GNA11: variants seen among roughly 807,000 people sequenced by gnomAD.
GNA11 encodes the protein guanine nucleotide-binding protein subunit alpha-11.
In GNA11, 8 loss-of-function variants were observed where a neutral mutation model predicts 38.2. The observed-to-expected ratio is 0.21, with a 90% CI of 0.12 to 0.38. The LOEUF is 0.38. Among genes scored for constraint, GNA11 ranks in the 10% least tolerant of loss-of-function variants. The probability of loss-of-function intolerance (pLI) is 1.00; values close to 1 mark genes in which losing one functional copy is unlikely to be tolerated. For missense variants in GNA11, 268 were observed against 516.3 expected, an observed-to-expected ratio of 0.52 and a Z score of 4.66; for synonymous variants, 211 against 221.4, an observed-to-expected ratio of 0.95 and a Z score of 0.42.
intron 1 of GNA11, among the ~76,000 whole-genome samples, chr19:3,105,413 G>A (rs1334110343): frequency 6.6e-6 from 1 of 150,838 alleles, no homozygotes; most frequent in Non-Finnish European, 1.5e-5. Context: ...GGGGAAGGGG[G>A]GGTTGTGCTT....
intron 2 of GNA11, among the ~76,000 whole-genome samples, chr19:3,111,608 G>A (rs1001827961): frequency 7.2e-5 from 11 of 152,358 alleles, no homozygotes; most frequent in Middle Eastern, 3.4e-3. Context: ...TGTTGGGAAC[G>A]GAGCTGCCGT....
intron 1 of GNA11, among the ~76,000 whole-genome samples, chr19:3,104,408 C>T (rs1017166247): frequency 6.6e-6 from 1 of 152,196 alleles, no homozygotes; most frequent in East Asian, 1.9e-4. Flanking sequence ...CTGCAGGCTC[C>T]CTAGCGTCTG....
rs1330920469 is a variant in GNA11 at position 3,122,276 on chromosome 19, C to T, written c.*1097C>T. On this transcript the variant is annotated 3_prime_UTR_variant, in exon 7 of 7. Transcript: ENST00000078429. This position sits in a 1 kb window ranked among gnomAD's most constrained non-coding sequence, Gnocchi z 7.7. ...GCAGAGAGAGGGACGTGGCCGGCAG[C>T]TCTGTGCGTGGCCTTGTCCCAAGCA... The T allele has an allele frequency of 4.3e-6, 1 of 232,668 alleles. No individual in the cohort carries two copies. Among genetic ancestry groups the T allele is most frequent in the African/African-American group, 2.2e-5 (1 of 45,310 alleles). 14.4% of individuals were successfully genotyped at this position (232,668 alleles called of 1,614,324 possible). A position where few individuals can be genotyped will look rare whatever the true frequency, so the allele number is the denominator to read the frequency against.
At chr19:3,099,682 C>T (rs1167819605) in intron 1 of GNA11, among the ~76,000 whole-genome samples, 2 of 152,206 alleles carry the variant, frequency 1.3e-5, no homozygotes, top group Non-Finnish European at 2.9e-5. Context: ...TCCAGTCTCC[C>T]ACCCTCCATC....
rs959483391 is a variant in GNA11, at chr19:3,123,572, C to G, written c.*2393C>G. On this transcript the variant is annotated 3_prime_UTR_variant, in exon 7 of 7. Coordinates refer to ENST00000078429, the MANE Select transcript of GNA11 (RefSeq NM_002067.5). Reference sequence around the variant, plus strand: ...ATTTCTCGTGAGTGCCGACCACCTTCTCCGACCATGTTACGCCCGGGCGGC... The same window carrying G: ...ATTTCTCGTGAGTGCCGACCACCTTGTCCGACCATGTTACGCCCGGGCGGC... 1.3e-5 allele frequency: 3 copies of G among 233,238 alleles called. No homozygotes were observed. Among genetic ancestry groups the G allele is most frequent in the Middle Eastern group, 1.3e-3 (1 of 786 alleles). 14.4% of individuals were successfully genotyped at this position (233,238 alleles called of 1,614,324 possible). A position where few individuals can be genotyped will look rare whatever the true frequency, so the allele number is the denominator to read the frequency against.
At chr19:3,112,753 G>A (rs555663175) in intron 2 of GNA11, among the ~76,000 whole-genome samples, 3 of 152,386 alleles carry the variant, frequency 2.0e-5, no homozygotes, top group African/African-American at 4.8e-5. Flanking sequence ...AGCACCGGGT[G>A]TGGTATCTGC....
rs1183375619 is a variant in GNA11, at chr19:3,095,812, C to T, written c.136+1025C>T. ...CACGCTGAGTCCTCGTTGAGAGCAG[C>T]CCCCCACCTGCCGGCTCCTCCCCAC... is the stretch of plus-strand genomic sequence containing the variant. On this transcript the variant is annotated intron_variant, in intron 1 of 6. Transcript: ENST00000078429. Among the ~76,000 whole-genome samples, 5 of 152,058 alleles carry T rather than the reference C, an allele frequency of 3.3e-5. No homozygotes were observed. In the East Asian group the frequency reaches 5.8e-4, roughly 18 times the overall value.
chr19:3,099,209 G>A (rs758190542), intron 1 of GNA11, among the ~76,000 whole-genome samples: 10 of 150,676 alleles, frequency 6.6e-5, no homozygotes, highest in Non-Finnish European at 8.9e-5. Context: ...TTAGAGGGGC[G>A]CTCGCGGGGC....
intron 3 of GNA11, among the ~76,000 whole-genome samples, chr19:3,113,685 G>A (rs1158035609): frequency 6.6e-6 from 1 of 152,190 alleles, no homozygotes; most frequent in Non-Finnish European, 1.5e-5. Context: ...AGGAGCCGGT[G>A]GACTCTGGTG....
rs989526817 is a variant in GNA11, at chr19:3,119,872, C to T, written c.889+513C>T. ...CTCTGTGCCCTACTGCCCCCACCCT[C>T]GGACCCGTCCCTCCCTACGTGGCCC... is the stretch of plus-strand genomic sequence containing the variant. On this transcript the variant is annotated intron_variant, in intron 6 of 6. Coordinates refer to ENST00000078429, the MANE Select transcript of GNA11 (RefSeq NM_002067.5). The surrounding 1 kb of genome is among the most constrained non-coding windows in gnomAD (Gnocchi z 4.6). Among the ~76,000 whole-genome samples the T allele has an allele frequency of 3.3e-5, 5 of 152,146 alleles. No individual in the cohort carries two copies. In the South Asian group the frequency reaches 8.3e-4, roughly 25 times the overall value.
intron 1 of GNA11, among the ~76,000 whole-genome samples, chr19:3,101,407 C>T (rs117817905): frequency 0.028 from 4,255 of 152,192 alleles, 385 homozygotes; most frequent in Admixed American, 0.17. Flanking sequence ...AATGCAGCCC[C>T]CAGGGACTGT....
chr19:3,099,957 G>T (rs950204376), intron 1 of GNA11, among the ~76,000 whole-genome samples: 3 of 152,194 alleles, frequency 2.0e-5, no homozygotes, highest in Admixed American at 6.5e-5. Context: ...GGGCGGTGGG[G>T]TGAGGACTCG....
rs1914056329 is a variant in GNA11 at position 3,120,946 on chromosome 19, T to G, written c.890-43T>G. ...AAAGGGGCCCACGAGTCCCTTGCCC[T>G]GGGCCGGGCTGGGGCACAGCCTCAC... On this transcript the variant is annotated intron_variant, in intron 6 of 6. Transcript: ENST00000078429. This position sits in a 1 kb window ranked among gnomAD's most constrained non-coding sequence, Gnocchi z 5.9. The G allele has an allele frequency of 6.6e-7, 1 of 1,512,522 alleles. No individual in the cohort carries two copies. Among genetic ancestry groups the G allele is most frequent in the Non-Finnish European group, 9.1e-7 (1 of 1,098,916 alleles). 93.7% of individuals were successfully genotyped at this position (1,512,522 alleles called of 1,614,324 possible).
intron 2 of GNA11, among the ~76,000 whole-genome samples, chr19:3,113,108 C>T (rs980239375): frequency 3.9e-5 from 6 of 152,332 alleles, no homozygotes; most frequent in African/African-American, 7.2e-5. Flanking sequence ...ACCGCACCGC[C>T]GGGAGGCTTT....
rs760497682 is a variant in GNA11, at chr19:3,103,519, C to CTTTTTTTTTTTTTTTTT, written c.137-6615_137-6599dup. ...TGAGCCACTGCGCCCGGCCTTGAAT[C>CTTTTTTTTTTTTTTTTT]TTTTTTTTTTTTTTTTTTTTTTTTT... On this transcript the variant is annotated intron_variant, in intron 1 of 6. Transcript: ENST00000078429. Among the ~76,000 whole-genome samples the CTTTTTTTTTTTTTTTTT allele has an allele frequency of 3.3e-4, 15 of 45,812 alleles. 3 individuals carry two copies. Among genetic ancestry groups the CTTTTTTTTTTTTTTTTT allele is most frequent in the Non-Finnish European group, 5.6e-4 (14 of 25,130 alleles). 30.1% of individuals were successfully genotyped at this position (45,812 alleles called of 152,430 possible).
chr19:3,116,676 G>C (rs1233341999), intron 4 of GNA11, among the ~76,000 whole-genome samples: 1 of 152,218 alleles, frequency 6.6e-6, no homozygotes, highest in African/African-American at 2.4e-5. Context: ...TCTGGTGTTC[G>C]TGCGTGTGGG....
intron 1 of GNA11, among the ~76,000 whole-genome samples, chr19:3,107,613 C>T (rs984870401): frequency 2.0e-4 from 31 of 152,132 alleles, no homozygotes; most frequent in East Asian, 1.9e-4. Flanking sequence ...GAGCAGCCAT[C>T]TTTTGTAATA....
intron 1 of GNA11, among the ~76,000 whole-genome samples, chr19:3,101,213 A>G (rs886118859): frequency 2.6e-5 from 4 of 152,008 alleles, no homozygotes; most frequent in Admixed American, 6.5e-5. Context: ...GTCTGTTGCT[A>G]TTGTTAACCG....
At chr19:3,095,954 T>A (rs759769954) in intron 1 of GNA11, among the ~76,000 whole-genome samples, 2 of 152,128 alleles carry the variant, frequency 1.3e-5, no homozygotes, top group Non-Finnish European at 2.9e-5. Flanking sequence ...CTTCAGTGGT[T>A]TACAAAACAG....
Sources: gnomAD v4.1 joint callset for allele counts (sites outside exome capture counted in the v4.1 genomes callset) on GRCh38, gnomAD v4.1.1 for gene constraint, Gnocchi (gnomAD v3.1) non-coding constraint, MANE v1.5 for transcripts, NCBI Gene and HGNC (gene_info 2026-07-23, HGNC 2026-07-21) for gene names.